MYRIP: variants seen among roughly 807,000 people sequenced by gnomAD.
The protein encoded by MYRIP is myosin VIIA and Rab interacting protein.
A neutral mutation model predicts 98.0 loss-of-function variants in MYRIP; 49 were observed. That is an observed-to-expected ratio of 0.50 (90% CI 0.40 to 0.63). The LOEUF is 0.63. Among genes scored for constraint, MYRIP ranks in the 30% least tolerant of loss-of-function variants. MYRIP has a pLI of 0.00. For missense variants in MYRIP, 1,004 were observed against 1,058.2 expected (o/e 0.95, Z 0.71); for synonymous variants, 404 against 409.5 (o/e 0.99, Z 0.16).
chr3:40,035,026 GAAC>G (rs1243724110), intron 2 of MYRIP, among the ~76,000 whole-genome samples: 1 of 134,462 alleles, frequency 7.4e-6, no homozygotes, highest in African/African-American at 2.8e-5. Flanking sequence ...TGAACAATGA[GAAC>G]ACATGGACAC....
At chr3:40,168,697 G>A (rs985318259) in intron 7 of MYRIP, among the ~76,000 whole-genome samples, 1 of 152,222 alleles carries the variant, frequency 6.6e-6, no homozygotes. Flanking sequence ...CATGACAGGA[G>A]CACAAGCCAG....
At chr3:39,881,418 A>C (rs1489468835) in intron 1 of MYRIP, among the ~76,000 whole-genome samples, 2 of 152,160 alleles carry the variant, frequency 1.3e-5, no homozygotes, top group Non-Finnish European at 2.9e-5. Flanking sequence ...CAGTTGTGAA[A>C]ATTACCAGTT....
rs1953669127 is a variant in MYRIP at position 40,258,440 on chromosome 3, T to C, written c.*274T>C. On this transcript the variant is annotated 3_prime_UTR_variant, in exon 17 of 17. Transcript: ENST00000302541. ...GCTTCCAACAGCAGCGCTCCATGTT[T>C]AAGATACATATTTTCCCTGTTTGCT... 2.4e-6 allele frequency: 1 copy of C among 422,214 alleles called. No individual in the cohort carries two copies. The highest frequency in any genetic ancestry group is 4.3e-6 in the Non-Finnish European group (1 of 233,254). 26.2% of individuals were successfully genotyped at this position (422,214 alleles called of 1,614,324 possible). A position where few individuals can be genotyped will look rare whatever the true frequency, so the allele number is the denominator to read the frequency against.
chr3:40,189,927 T>A lies in MYRIP; in HGVS notation c.1129T>A (p.Phe377Ile). Residue 377 changes from phenylalanine to isoleucine, a missense_variant, in exon 10 of 17, where the codon TTT becomes ATT. By Grantham distance (21) the Phe-to-Ile change is conservative. Around this residue, in one of 3 missense-constraint regions of MYRIP, gnomAD observed 880 missense variants for 907.7 expected, o/e 0.97. Transcript: ENST00000302541. ...RLLAKPKSGT[F>I]QALEVASSVA... is the part of the protein sequence containing the mutation. ...ACTGGCCAAACCTAAGAGCGGGACG[T>A]TTCAGGCCCTGGAGGTGGCCTCCAG... 9 of 1,614,074 alleles carry A rather than the reference T, an allele frequency of 5.6e-6. No individual in the cohort carries two copies. Among genetic ancestry groups the A allele is most frequent in the Non-Finnish European group, 7.6e-6 (9 of 1,180,002 alleles).
intron 1 of MYRIP, among the ~76,000 whole-genome samples, chr3:39,874,371 C>T (rs1254650038): frequency 1.3e-5 from 2 of 151,706 alleles, no homozygotes; most frequent in African/African-American, 4.9e-5. Context: ...GAACTTCCAA[C>T]ACTATGTTGA....
At chr3:40,045,063 C>A (rs1420269533) in intron 3 of MYRIP, among the ~76,000 whole-genome samples, 1 of 152,128 alleles carries the variant, frequency 6.6e-6, no homozygotes, top group Non-Finnish European at 1.5e-5. Context: ...TTCCAAAATG[C>A]CTGTTAATGA....
At chr3:39,870,123 G>A (rs1383908448) in intron 1 of MYRIP, among the ~76,000 whole-genome samples, 1 of 152,148 alleles carries the variant, frequency 6.6e-6, no homozygotes, top group African/African-American at 2.4e-5. Context: ...CAGGGGCAGG[G>A]GCATAGCAGG....
chr3:40,025,377 C>T (rs895723577), intron 2 of MYRIP, among the ~76,000 whole-genome samples: 5 of 151,850 alleles, frequency 3.3e-5, no homozygotes, highest in South Asian at 4.1e-4. Context: ...TTTATAACAC[C>T]GTCAGGGGCA....
chr3:39,871,793 A>G (rs1942796773), intron 1 of MYRIP, among the ~76,000 whole-genome samples: 1 of 152,086 alleles, frequency 6.6e-6, no homozygotes, highest in African/African-American at 2.4e-5. Context: ...TTATGTCTGA[A>G]TTATCTAGAA....
chr3:39,890,286 A>C (rs1399964920), intron 1 of MYRIP, among the ~76,000 whole-genome samples: 1 of 151,904 alleles, frequency 6.6e-6, no homozygotes, highest in Non-Finnish European at 1.5e-5. Context: ...GCCTTTTGGC[A>C]TAATTTTTGC....
chr3:40,100,244 A>G, intron 3 of MYRIP: 1 of 985,422 alleles, frequency 1.0e-6, no homozygotes, highest in East Asian at 1.1e-4. Flanking sequence ...GAAAACCACC[A>G]GTTACGGTAA....
chr3:40,256,709 G>A (rs1022516172), intron 16 of MYRIP, among the ~76,000 whole-genome samples: 1 of 151,026 alleles, frequency 6.6e-6, no homozygotes, highest in Non-Finnish European at 1.5e-5. Flanking sequence ...GAAATAAAAA[G>A]AAACTTAAAA....
chr3:39,877,883 C>T (rs1426311909), intron 1 of MYRIP, among the ~76,000 whole-genome samples: 2 of 152,196 alleles, frequency 1.3e-5, no homozygotes, highest in Non-Finnish European at 2.9e-5. Flanking sequence ...AGCTGTCAGA[C>T]AGGGACATAT....
At chr3:40,208,244 T>G (rs1476615433) in intron 10 of MYRIP, among the ~76,000 whole-genome samples, 2 of 152,210 alleles carry the variant, frequency 1.3e-5, no homozygotes. Flanking sequence ...TGTAATGAGT[T>G]ATATTTTATT....
At chr3:39,940,187 T>C (rs908051349) in intron 2 of MYRIP, among the ~76,000 whole-genome samples, 2 of 152,056 alleles carry the variant, frequency 1.3e-5, no homozygotes, top group Admixed American at 6.6e-5. Context: ...AATGATATCA[T>C]TAGCTATTTT....
rs538260236 is a variant in MYRIP, at chr3:40,147,801, T to C, written c.333-3247T>C. Among the ~76,000 whole-genome samples the C allele has an allele frequency of 3.1e-4, 47 of 152,338 alleles. 1 individual carries two copies. Among genetic ancestry groups the C allele is most frequent in the African/African-American group, 1.1e-3 (47 of 41,588 alleles). On this transcript the variant is annotated intron_variant, in intron 3 of 16. Coordinates refer to ENST00000302541, the MANE Select transcript of MYRIP (RefSeq NM_015460.4). ...TCTTCACCATTTCTCTTCATACATGTAGATTCTTAATTATATACTTATTGA... is the reference window on the plus strand; with the variant it reads ...TCTTCACCATTTCTCTTCATACATGCAGATTCTTAATTATATACTTATTGA...
At chr3:40,198,515 G>A (rs898846257) in intron 10 of MYRIP, among the ~76,000 whole-genome samples, 1 of 152,136 alleles carries the variant, frequency 6.6e-6, no homozygotes, top group Non-Finnish European at 1.5e-5. Context: ...AACAGACTTC[G>A]ATTGCCTTTT....
intron 9 of MYRIP, among the ~76,000 whole-genome samples, chr3:40,184,554 A>G (rs970606457): frequency 3.3e-5 from 5 of 152,246 alleles, no homozygotes; most frequent in African/African-American, 1.2e-4. Flanking sequence ...TCCAATTTGC[A>G]GGTTTTCAAC....
intron 3 of MYRIP, among the ~76,000 whole-genome samples, chr3:40,095,627 A>G (rs767071740): frequency 2.0e-5 from 3 of 152,034 alleles, no homozygotes; most frequent in Non-Finnish European, 4.4e-5. Flanking sequence ...GGGGCTGTGT[A>G]TACTACTCCA....
Sources: allele counts gnomAD v4.1 joint callset (sites outside exome capture counted in the v4.1 genomes callset), GRCh38; gene constraint gnomAD v4.1.1; regional missense constraint gnomAD v4.1.1; transcripts MANE v1.5; gene names NCBI Gene and HGNC (gene_info 2026-07-23, HGNC 2026-07-21).